TDRD5: variants seen among roughly 807,000 people sequenced by gnomAD.
The protein encoded by TDRD5 is tudor domain-containing protein 5.
A neutral mutation model predicts 120.6 loss-of-function variants in TDRD5; 41 were observed. That is an observed-to-expected ratio of 0.34 (90% CI 0.26 to 0.44). TDRD5 has a LOEUF of 0.44. Ranked by LOEUF, TDRD5 falls within the 20% of genes least tolerant of loss-of-function variation. TDRD5 has a pLI of 1.00. For synonymous variants in TDRD5, 430 were observed against 433.7 expected (o/e 0.99, Z 0.11); for missense variants, 1,006 against 1,221.2 (o/e 0.82, Z 2.63).
At chr1:179,647,588 A>G (rs1333820904) in intron 11 of TDRD5, among the ~76,000 whole-genome samples, 1 of 151,838 alleles carries the variant, frequency 6.6e-6, no homozygotes, top group Non-Finnish European at 1.5e-5. Context: ...AACAAAAGCC[A>G]AAATTGACAA....
At chr1:179,601,957 C>T (rs577092060) in intron 4 of TDRD5, among the ~76,000 whole-genome samples, 7 of 152,348 alleles carry the variant, frequency 4.6e-5, no homozygotes, top group Non-Finnish European at 1.0e-4. Flanking sequence ...AGGCACACGC[C>T]ATCACGCCCA....
At chr1:179,641,104 T>A (rs1678020797) in intron 11 of TDRD5, among the ~76,000 whole-genome samples, 2 of 138,796 alleles carry the variant, frequency 1.4e-5, no homozygotes, top group Non-Finnish European at 1.6e-5. Flanking sequence ...TGTACCTAAC[T>A]TTTTATTTTT....
intron 11 of TDRD5, among the ~76,000 whole-genome samples, chr1:179,643,994 G>A (rs1050369106): frequency 6.6e-6 from 1 of 152,060 alleles, no homozygotes; most frequent in African/African-American, 2.4e-5. Context: ...ATAACTAACT[G>A]CCCATTGAAA....
intron 3 of TDRD5, among the ~76,000 whole-genome samples, chr1:179,594,163 TC>T (rs989075087): frequency 6.6e-6 from 1 of 152,326 alleles, no homozygotes; most frequent in African/African-American, 2.4e-5. Flanking sequence ...AACTACAAGA[TC>T]AGCTCTCTCT....
intron 6 of TDRD5, among the ~76,000 whole-genome samples, chr1:179,621,360 G>A (rs1415886229): frequency 6.6e-6 from 1 of 152,054 alleles, no homozygotes; most frequent in Non-Finnish European, 1.5e-5. Flanking sequence ...TATACCAAGT[G>A]TCAGTGGGAA....
intron 4 of TDRD5, among the ~76,000 whole-genome samples, chr1:179,604,823 G>A (rs1480116914): frequency 6.6e-6 from 1 of 152,084 alleles, no homozygotes; most frequent in African/African-American, 2.4e-5. Context: ...AAAGTTCCAT[G>A]CCCTGTTAAA....
chr1:179,608,231 C>A (rs1027489223), intron 4 of TDRD5, among the ~76,000 whole-genome samples: 1 of 151,836 alleles, frequency 6.6e-6, no homozygotes, highest in African/African-American at 2.4e-5. Flanking sequence ...TGGTTTTCCA[C>A]AGTTTGATTG....
At chr1:179,670,450 A>G (rs1053171755) in intron 17 of TDRD5, among the ~76,000 whole-genome samples, 7 of 152,112 alleles carry the variant, frequency 4.6e-5, no homozygotes, top group African/African-American at 1.7e-4. Flanking sequence ...GCTAGGTCAT[A>G]CAGTAACTGC....
Position 179,667,412 on chromosome 1 carries a change from G to A in TDRD5, c.2650-1782G>A, listed in dbSNP as rs532079954. Among the ~76,000 whole-genome samples the A allele has an allele frequency of 3.5e-4, 54 of 152,236 alleles. 1 individual carries two copies. The South Asian group carries it at 7.7e-3, about 22-fold the overall frequency. The stretch of plus-strand genomic sequence containing the variant: ...TAAACAGCTAAACATAGGCAGTAGG[G>A]CATAATGTAAAAAGCACTGGTCTGT... On this transcript the variant is annotated intron_variant, in intron 16 of 17. Coordinates refer to ENST00000444136, the MANE Select transcript of TDRD5 (RefSeq NM_001199085.3).
At chr1:179,668,843 C>T (rs1039703440) in intron 16 of TDRD5, among the ~76,000 whole-genome samples, 3 of 149,914 alleles carry the variant, frequency 2.0e-5, no homozygotes, top group African/African-American at 4.9e-5. Flanking sequence ...CCCAGGTTCA[C>T]GCCATTCTCC....
At chr1:179,629,047 A>G (rs1047093466) in intron 6 of TDRD5, among the ~76,000 whole-genome samples, 2 of 152,168 alleles carry the variant, frequency 1.3e-5, no homozygotes, top group African/African-American at 4.8e-5. Context: ...ACAGTTTACC[A>G]AAATACAGAT....
intron 16 of TDRD5, among the ~76,000 whole-genome samples, chr1:179,666,645 A>G (rs888743378): frequency 6.6e-6 from 1 of 151,880 alleles, no homozygotes; most frequent in Non-Finnish European, 1.5e-5. Context: ...ACTCCTTCCC[A>G]TGTTTTCATT....
Position 179,630,828 on chromosome 1 carries a change from T to C in TDRD5, c.1034T>C (p.Val345Ala), listed in dbSNP as rs756335812. 1.2e-6 allele frequency: 2 copies of C among 1,614,120 alleles called. No homozygotes were observed. Among genetic ancestry groups the C allele is most frequent in the East Asian group, 2.2e-5 (1 of 44,866 alleles). Residue 345 changes from valine (V) to alanine (A), a missense_variant, in exon 7 of 18, where the codon GTT (valine) becomes GCT (alanine). By Grantham distance (64) the Val-to-Ala change is moderately conservative (BLOSUM62 0). Around this residue, in one of 3 missense-constraint regions of TDRD5, gnomAD observed 445 missense variants for 515.5 expected, o/e 0.86. Transcript: ENST00000444136. The stretch of plus-strand genomic sequence containing the variant: ...GGCTTCTTAAATGTGACAGAACTTG[T>C]TGGAGCTCTTAGTGACATTCTCCAT... The part of the protein sequence containing the change: ...KLGFLNVTEL[V>A]GALSDILHVE...
intron 14 of TDRD5, among the ~76,000 whole-genome samples, chr1:179,660,889 C>T (rs184619678): frequency 1.3e-5 from 2 of 152,218 alleles, no homozygotes; most frequent in Admixed American, 1.3e-4. Context: ...ACCATGAATT[C>T]TGTTTTCTTT....
intron 11 of TDRD5, 139 bp from the exon 12 acceptor site, chr1:179,650,728 C>T: frequency 4.0e-6 from 3 of 758,856 alleles, no homozygotes; most frequent in Non-Finnish European, 6.4e-6. Context: ...CATATATATC[C>T]TCCTATGTGT....
intron 15 of TDRD5, 113 bp downstream of exon 15, chr1:179,662,399 A>G (rs995561414): frequency 1.1e-5 from 12 of 1,135,716 alleles, no homozygotes; most frequent in Non-Finnish European, 1.4e-5. Context: ...TCAGGAGTTC[A>G]TGACCAGCCT....
intron 12 of TDRD5, 63 bp downstream of exon 12, chr1:179,651,130 G>A (rs1678689397): frequency 6.5e-7 from 1 of 1,527,020 alleles, no homozygotes; most frequent in Non-Finnish European, 8.9e-7. Context: ...CAAGGTATAA[G>A]ATAATTTAAT....
At chr1:179,608,014 C>CTATTTGTCA (rs200392586) in intron 4 of TDRD5, among the ~76,000 whole-genome samples, 1,580 of 152,010 alleles carry the variant, frequency 0.01, 30 homozygotes, top group African/African-American at 0.035. Flanking sequence ...CTGAAAAAGT[C>CTATTTGTCA]TATTTGTCAT....
chr1:179,684,973 A>T (rs983874590), intron 17 of TDRD5, among the ~76,000 whole-genome samples: 11 of 151,778 alleles, frequency 7.2e-5, no homozygotes, highest in Admixed American at 3.9e-4. Flanking sequence ...GATTGCAAAA[A>T]TTTTCTCCCA....
Sources: gnomAD v4.1 joint callset for allele counts (sites outside exome capture counted in the v4.1 genomes callset) on GRCh38, gnomAD v4.1.1 for gene constraint, gnomAD v4.1.1 regional missense constraint, MANE v1.5 for transcripts, NCBI Gene and HGNC (gene_info 2026-07-23, HGNC 2026-07-21) for gene names.